The following ACTR3C variants were observed in gnomAD, a reference collection of about 807,000 sequenced individuals.
The protein encoded by ACTR3C is actin-related protein 3C.
A neutral mutation model predicts 26.3 loss-of-function variants in ACTR3C; 18 were observed. That is an observed-to-expected ratio of 0.68 (90% CI 0.47 to 1.01). The LOEUF is 1.01. Among genes scored for constraint, ACTR3C ranks in the 50% least tolerant of loss-of-function variants. The probability of loss-of-function intolerance (pLI) is 0.00; values close to 1 mark genes in which losing one functional copy is unlikely to be tolerated. For missense variants in ACTR3C, 184 were observed against 250.7 expected (o/e 0.73, Z 1.80); for synonymous variants, 55 against 94.5 (o/e 0.58, Z 2.42).
the ACTR3C span, among the ~76,000 whole-genome samples, chr7:150,048,565 C>T: frequency 2.0e-5 from 3 of 151,948 alleles, no homozygotes; most frequent in Admixed American, 6.5e-5. Flanking sequence ...AGCACGCGAG[C>T]GGACGGTGCA....
At chr7:149,894,454 A>C in the ACTR3C span, among the ~76,000 whole-genome samples, 4 of 152,196 alleles carry the variant, frequency 2.6e-5, no homozygotes, top group Non-Finnish European at 5.9e-5. Flanking sequence ...TGAAGAGACA[A>C]TCTATAGAAT....
the ACTR3C span, among the ~76,000 whole-genome samples, chr7:150,081,990 G>A: frequency 6.6e-6 from 1 of 151,952 alleles, no homozygotes; most frequent in Non-Finnish European, 1.5e-5. Context: ...TGAGTATAAA[G>A]AGCAACAAAT....
At chr7:150,120,284 T>G in the ACTR3C span, among the ~76,000 whole-genome samples, 1 of 151,930 alleles carries the variant, frequency 6.6e-6, no homozygotes, top group Non-Finnish European at 1.5e-5. Flanking sequence ...CAAAAATCAA[T>G]GAATCCAGGA....
At chr7:149,887,758 C>T in the ACTR3C span, among the ~76,000 whole-genome samples, 1 of 151,432 alleles carries the variant, frequency 6.6e-6, no homozygotes, top group South Asian at 2.1e-4. Flanking sequence ...TTGTATCTCC[C>T]AGAATTCCCC....
chr7:150,119,327 T>C, the ACTR3C span, among the ~76,000 whole-genome samples: 2 of 152,216 alleles, frequency 1.3e-5, no homozygotes, highest in African/African-American at 4.8e-5. Context: ...ATTGGTATGC[T>C]GTATTCAGGA....
At chr7:150,263,839 A>G (rs1457043182) in intron 6 of ACTR3C, among the ~76,000 whole-genome samples, 1 of 152,276 alleles carries the variant, frequency 6.6e-6, no homozygotes, top group African/African-American at 2.4e-5. Context: ...TCTTCTAAAT[A>G]GCAATTCTAT....
At chr7:150,095,042 T>C in the ACTR3C span, among the ~76,000 whole-genome samples, 7 of 145,830 alleles carry the variant, frequency 4.8e-5, no homozygotes, top group African/African-American at 8.0e-5. Context: ...TCCTGGGCGA[T>C]GTCACCTGCC....
the ACTR3C span, among the ~76,000 whole-genome samples, chr7:150,024,663 G>A: frequency 4.9e-5 from 7 of 143,684 alleles, no homozygotes; most frequent in Admixed American, 3.5e-4. Context: ...ATAACCCTTG[G>A]TGTGCAATGA....
chr7:149,936,519 G>C, the ACTR3C span, among the ~76,000 whole-genome samples: 2,032 of 152,318 alleles, frequency 0.013, 49 homozygotes, highest in African/African-American at 0.045. Context: ...TAGAAAGCCT[G>C]CATTGGGGAA....
chr7:150,039,990 A>C, the ACTR3C span, among the ~76,000 whole-genome samples: 3,016 of 105,038 alleles, frequency 0.029, 159 homozygotes, highest in African/African-American at 0.09. Flanking sequence ...TGCCTCCCCC[A>C]CTGCGATAGT....
the ACTR3C span, among the ~76,000 whole-genome samples, chr7:149,921,665 T>C: frequency 2.0e-5 from 3 of 151,958 alleles, no homozygotes; most frequent in East Asian, 5.8e-4. Flanking sequence ...TCACCTGAAG[T>C]CAAGAGTTCA....
chr7:149,964,132 C>T, the ACTR3C span, among the ~76,000 whole-genome samples: 18 of 152,274 alleles, frequency 1.2e-4, no homozygotes, highest in Non-Finnish European at 1.9e-4. Context: ...GACACAACAA[C>T]GTGCTGTATA....
chr7:150,056,166 A>G, the ACTR3C span, among the ~76,000 whole-genome samples: 1 of 152,232 alleles, frequency 6.6e-6, no homozygotes, highest in Non-Finnish European at 1.5e-5. Flanking sequence ...CCACAGGTGC[A>G]TGTTTAATAT....
the ACTR3C span, chr7:150,076,438 A>G: frequency 1.3e-5 from 2 of 152,206 alleles, no homozygotes; most frequent in African/African-American, 4.8e-5. Context: ...TTGTGGATTG[A>G]TACTATTTGT....
At chr7:149,956,300 T>C in the ACTR3C span, among the ~76,000 whole-genome samples, 2 of 152,162 alleles carry the variant, frequency 1.3e-5, no homozygotes, top group African/African-American at 4.8e-5. Context: ...TTCACGCCTG[T>C]AATCCCAGCA....
At chr7:150,262,304 G>A (rs2129610133) in intron 6 of ACTR3C, among the ~76,000 whole-genome samples, 1 of 152,306 alleles carries the variant, frequency 6.6e-6, no homozygotes, top group South Asian at 2.1e-4. Flanking sequence ...GCAAATCAAA[G>A]TACACTTGAA....
At chr7:150,018,094 G>C in the ACTR3C span, among the ~76,000 whole-genome samples, 129 of 150,524 alleles carry the variant, frequency 8.6e-4, 6 homozygotes, top group Non-Finnish European at 1.4e-3. Flanking sequence ...AAACGGAGTC[G>C]TGTGGAAAGA....
chr7:150,034,673 C>T, the ACTR3C span, among the ~76,000 whole-genome samples: 1 of 151,230 alleles, frequency 6.6e-6, no homozygotes, highest in Admixed American at 6.6e-5. Context: ...ACGTAAGGTA[C>T]CTGCCGTCGG....
chr7:150,041,868 G>C, the ACTR3C span, among the ~76,000 whole-genome samples: 1 of 131,788 alleles, frequency 7.6e-6, no homozygotes, highest in Non-Finnish European at 1.6e-5. Context: ...CCCCACTCTC[G>C]TGAGGGTTGC....
Sources: gnomAD v4.1 joint callset for allele counts (sites outside exome capture counted in the v4.1 genomes callset) on GRCh38, gnomAD v4.1.1 for gene constraint, MANE v1.5 for transcripts, NCBI Gene and HGNC (gene_info 2026-07-23, HGNC 2026-07-21) for gene names.